The following FAM120A variants were observed in gnomAD, a reference collection of about 807,000 sequenced individuals.
FAM120A encodes constitutive coactivator of PPAR-gamma-like protein 1.
A neutral mutation model predicts 109.7 loss-of-function variants in FAM120A; 15 were observed. The observed-to-expected ratio is 0.14, with a 90% CI of 0.09 to 0.21. FAM120A has a LOEUF of 0.21. FAM120A is among the 10% of genes least tolerant of loss of function. The pLI, the probability that FAM120A is intolerant of heterozygous loss-of-function variation, is 1.00. For synonymous variants in FAM120A, 493 were observed against 572.8 expected (o/e 0.86, Z 1.99); for missense variants, 899 against 1,439.3 (o/e 0.62, Z 6.07).
chr9:93,540,472 A>G (rs900656927), intron 10 of FAM120A, among the ~76,000 whole-genome samples: 22 of 152,136 alleles, frequency 1.4e-4, no homozygotes, highest in African/African-American at 5.3e-4. Flanking sequence ...CTCTGTCCCT[A>G]CTGTGTCGAC....
At chr9:93,474,410 T>A (rs930778848) in intron 2 of FAM120A, among the ~76,000 whole-genome samples, 3 of 152,048 alleles carry the variant, frequency 2.0e-5, no homozygotes, top group African/African-American at 7.2e-5. Context: ...TGAGAAAGCT[T>A]ATTTTTCTTT....
At chr9:93,518,541 T>G (rs929641267) in intron 7 of FAM120A, among the ~76,000 whole-genome samples, 1 of 152,238 alleles carries the variant, frequency 6.6e-6, no homozygotes, top group Non-Finnish European at 1.5e-5. Flanking sequence ...AAGAAATACT[T>G]GGGCATTTAT....
In FAM120A at chr9:93,452,783, C is replaced by A; in HGVS notation, c.474+394C>A. On this transcript the variant is annotated intron_variant, in intron 1 of 17. Transcript: ENST00000277165. The surrounding 1 kb of genome is among the most constrained non-coding windows in gnomAD (Gnocchi z 7.0). ...ACTCCCTTTTCTAATTTAGCCTGTT[C>A]TTTCCCAGCAACAGGTTCATCTTGG... The A allele has an allele frequency of 6.3e-7, 1 of 1,593,554 alleles. No homozygotes were observed. Among genetic ancestry groups the A allele is most frequent in the East Asian group, 2.2e-5 (1 of 44,794 alleles).
chr9:93,505,893 A>C, intron 5 of FAM120A, among the ~76,000 whole-genome samples: 1 of 108,392 alleles, frequency 9.2e-6, no homozygotes, highest in Non-Finnish European at 2.0e-5. Context: ...AATTTTGTTT[A>C]TGGTTTTTGA....
intron 3 of FAM120A, among the ~76,000 whole-genome samples, chr9:93,482,773 A>T (rs1386465676): frequency 1.3e-5 from 2 of 152,066 alleles, no homozygotes; most frequent in Non-Finnish European, 2.9e-5. Flanking sequence ...GCCCTTTGAG[A>T]CAAAGAGGAA....
Position 93,471,293 on chromosome 9 carries a change from G to T in FAM120A, c.627G>T (p.Gly209=). The T allele has an allele frequency of 6.2e-7, 1 of 1,614,042 alleles. No individual in the cohort carries two copies. The highest frequency in any genetic ancestry group is 8.5e-7 in the Non-Finnish European group (1 of 1,179,996). The change falls in exon 2 of 18, where the codon GGG becomes GGT. Residue 209 remains glycine (G), a synonymous_variant. Transcript: ENST00000277165. ...ATGCCCTAAAACTGAGCCGGAACGG[G>T]AAAAGTCTCACCACAAGCCAATATC... ...SAHALKLSRN[G]KSLTTSQYLM...
rs1857263643 is a variant in FAM120A at position 93,452,141 on chromosome 9, G to C, written c.226G>C (p.Gly76Arg). The stretch of plus-strand genomic sequence containing the variant: ...CGGCGGCCAGTGGAACCACATGCTT[G>C]GCTACCTGGCGGCGCTGGCCAAGGC... Reference protein sequence around the residue: ...VSGGQWNHMLGYLAALAKACF... With the variant: ...VSGGQWNHMLRYLAALAKACF... Residue 76 changes from glycine (G) to arginine (R), a missense_variant, in exon 1 of 18, where the codon GGC becomes CGC. Physicochemically the swap from Gly to Arg is moderately radical, Grantham distance 125 (BLOSUM62 -2). Around this residue, in one of 11 missense-constraint regions of FAM120A, gnomAD observed 258 missense variants for 451.4 expected, o/e 0.57. Coordinates refer to ENST00000277165, the MANE Select transcript of FAM120A (RefSeq NM_014612.5). This position sits in a 1 kb window ranked among gnomAD's most constrained non-coding sequence, Gnocchi z 7.0. 1 of 1,611,784 alleles carries C rather than the reference G, an allele frequency of 6.2e-7. No homozygotes were observed. The highest frequency in any genetic ancestry group is 1.3e-5 in the African/African-American group (1 of 75,058).
At chr9:93,469,476 G>A (rs1858210656) in intron 1 of FAM120A, among the ~76,000 whole-genome samples, 1 of 152,126 alleles carries the variant, frequency 6.6e-6, no homozygotes, top group Non-Finnish European at 1.5e-5. Context: ...CTGGAAAAAA[G>A]CCAGTAATTT....
At chr9:93,497,445 G>T (rs1286746349) in intron 3 of FAM120A, 26 bp from the exon 4 acceptor site, 1 of 1,611,066 alleles carries the variant, frequency 6.2e-7, no homozygotes, top group African/African-American at 1.3e-5. Flanking sequence ...ACCATCCACT[G>T]TTGACACTTA....
chr9:93,526,258 T>G (rs1251458473), intron 7 of FAM120A, among the ~76,000 whole-genome samples: 1 of 152,214 alleles, frequency 6.6e-6, no homozygotes, highest in African/African-American at 2.4e-5. Flanking sequence ...GCACATCCTC[T>G]GCTACCTGTA....
At chr9:93,502,275 A>G (rs923298431) in intron 5 of FAM120A, among the ~76,000 whole-genome samples, 2 of 152,326 alleles carry the variant, frequency 1.3e-5, no homozygotes, top group Admixed American at 6.5e-5. Context: ...GAGCATGGCT[A>G]TAGGGGAAAA....
chr9:93,518,278 G>A (rs1326866071), intron 7 of FAM120A, among the ~76,000 whole-genome samples: 1 of 152,008 alleles, frequency 6.6e-6, no homozygotes, highest in Non-Finnish European at 1.5e-5. Flanking sequence ...AGGTGCAGGG[G>A]TATGACGCGT....
intron 12 of FAM120A, among the ~76,000 whole-genome samples, chr9:93,554,442 C>T (rs932283927): frequency 6.6e-6 from 1 of 152,102 alleles, no homozygotes; most frequent in Non-Finnish European, 1.5e-5. Flanking sequence ...GGCCGAGGAT[C>T]TTCTCAGATC....
intron 10 of FAM120A, among the ~76,000 whole-genome samples, chr9:93,536,735 C>G (rs1031604101): frequency 1.3e-5 from 2 of 152,126 alleles, no homozygotes; most frequent in African/African-American, 2.4e-5. Context: ...TTAAAAATTT[C>G]TAACCCTTCT....
At chr9:93,494,858 G>A (rs1259406136) in intron 3 of FAM120A, among the ~76,000 whole-genome samples, 1 of 152,150 alleles carries the variant, frequency 6.6e-6, no homozygotes, top group African/African-American at 2.4e-5. Flanking sequence ...GTGACATTAG[G>A]CCACCACAGG....
At chr9:93,464,692 G>A (rs1002198528) in intron 1 of FAM120A, among the ~76,000 whole-genome samples, 1 of 152,150 alleles carries the variant, frequency 6.6e-6, no homozygotes, top group Non-Finnish European at 1.5e-5. Flanking sequence ...ATCAAGGCCT[G>A]GTGCTTTTAA....
intron 14 of FAM120A, 36 bp from the exon 15 acceptor site, chr9:93,558,545 C>G: frequency 6.2e-7 from 1 of 1,611,420 alleles, no homozygotes; most frequent in Admixed American, 1.7e-5. Context: ...CTGTCCCTTA[C>G]ACTTCTCCCC....
chr9:93,454,803 A>G (rs1341080417), intron 1 of FAM120A, among the ~76,000 whole-genome samples: 2 of 152,220 alleles, frequency 1.3e-5, no homozygotes, highest in Admixed American at 1.3e-4. Context: ...CATTTAATAA[A>G]AGATACCCAT....
At chr9:93,478,357 T>A (rs1419887753) in intron 3 of FAM120A, among the ~76,000 whole-genome samples, 1 of 152,158 alleles carries the variant, frequency 6.6e-6, no homozygotes, top group African/African-American at 2.4e-5. Flanking sequence ...TATGGCATAT[T>A]GGAGAAGAAA....
Sources: allele counts gnomAD v4.1 joint callset (sites outside exome capture counted in the v4.1 genomes callset), GRCh38; gene constraint gnomAD v4.1.1; regional missense constraint gnomAD v4.1.1; non-coding constraint Gnocchi (gnomAD v3.1); transcripts MANE v1.5; gene names NCBI Gene and HGNC (gene_info 2026-07-23, HGNC 2026-07-21).